Variants in PCCA observed in about 807,000 individuals in gnomAD.
PCCA encodes propionyl-CoA carboxylase subunit alpha.
PCCA carries 74 observed loss-of-function variants against 101.3 expected under a neutral mutation model. The observed-to-expected ratio is 0.73, with a 90% confidence interval of 0.61 to 0.89. PCCA has a LOEUF of 0.89. Among genes scored for constraint, PCCA ranks in the 40% least tolerant of loss-of-function variants. The probability of loss-of-function intolerance (pLI) is 0.00; values close to 1 mark genes in which losing one functional copy is unlikely to be tolerated. For missense variants in PCCA, 891 were observed against 907.0 expected (o/e 0.98, Z 0.23); for synonymous variants, 294 against 313.6 (o/e 0.94, Z 0.66).
At chr13:100,357,479 G>A (rs534102280) in intron 18 of PCCA, among the ~76,000 whole-genome samples, 7 of 152,306 alleles carry the variant, frequency 4.6e-5, no homozygotes, top group East Asian at 1.9e-4. Context: ...ATGTGAACCC[G>A]CGTTCTTCCA....
intron 4 of PCCA, among the ~76,000 whole-genome samples, chr13:100,141,002 A>C (rs775775797): frequency 6.6e-6 from 1 of 152,180 alleles, no homozygotes; most frequent in African/African-American, 2.4e-5. Context: ...GTTACAGCTA[A>C]TTGCTTGAAT....
chr13:100,268,865 G>A lies in PCCA; in HGVS notation c.914+82G>A, dbSNP rs557634474. On this transcript the variant is annotated intron_variant, in intron 11 of 23. Transcript: ENST00000376285. ...ATTCATTCATTCATCATTCACTGACGCATGCATTCAGAGACAGGGTCTCAC... is the reference window on the plus strand; with the variant it reads ...ATTCATTCATTCATCATTCACTGACACATGCATTCAGAGACAGGGTCTCAC... The A allele has an allele frequency of 1.9e-4, 191 of 990,832 alleles. 1 individual carries two copies. The South Asian group carries it at 2.1e-3, about 11-fold the overall frequency. 61.4% of individuals were successfully genotyped at this position (990,832 alleles called of 1,614,324 possible).
intron 18 of PCCA, among the ~76,000 whole-genome samples, chr13:100,361,783 T>C (rs1391557442): frequency 6.6e-6 from 1 of 152,158 alleles, no homozygotes; most frequent in Non-Finnish European, 1.5e-5. Flanking sequence ...GAGTAACTCA[T>C]TGCAGTGGAA....
chr13:100,468,972 G>T (rs2082749660), intron 21 of PCCA, among the ~76,000 whole-genome samples: 1 of 152,090 alleles, frequency 6.6e-6, no homozygotes, highest in African/African-American at 2.4e-5. Flanking sequence ...AGCACTTTGG[G>T]AGGCTGAGGC....
At chr13:100,437,053 A>G (rs1244120335) in intron 20 of PCCA, among the ~76,000 whole-genome samples, 1 of 152,180 alleles carries the variant, frequency 6.6e-6, no homozygotes, top group Non-Finnish European at 1.5e-5. Context: ...TTTTAGGCCC[A>G]CAGTATCACC....
chr13:100,094,912 A>C (rs1450749255), intron 1 of PCCA, among the ~76,000 whole-genome samples: 3 of 152,196 alleles, frequency 2.0e-5, no homozygotes, highest in Non-Finnish European at 4.4e-5. Context: ...TTTATTCAAG[A>C]AACCTTTGGT....
At chr13:100,401,801 G>T (rs1437977746) in intron 19 of PCCA, among the ~76,000 whole-genome samples, 1 of 152,170 alleles carries the variant, frequency 6.6e-6, no homozygotes. Context: ...TGGGAGCACA[G>T]TTTCACAAAT....
At chr13:100,304,603 C>G (rs979671013) in intron 14 of PCCA, among the ~76,000 whole-genome samples, 1 of 152,096 alleles carries the variant, frequency 6.6e-6, no homozygotes, top group African/African-American at 2.4e-5. Flanking sequence ...TGGGAGATGT[C>G]TGATAGTTTC....
intron 8 of PCCA, among the ~76,000 whole-genome samples, chr13:100,254,910 C>A (rs2152553742): frequency 6.6e-6 from 1 of 151,542 alleles, no homozygotes. Flanking sequence ...AATGAGACCC[C>A]CATCTTTAAA....
chr13:100,164,282 GA>G (rs2054810192), intron 6 of PCCA, among the ~76,000 whole-genome samples: 1 of 152,048 alleles, frequency 6.6e-6, no homozygotes, highest in Admixed American at 6.6e-5. Flanking sequence ...TTATTAGATA[GA>G]AAAAAAATGT....
intron 4 of PCCA, among the ~76,000 whole-genome samples, chr13:100,118,031 G>A (rs1306210675): frequency 1.3e-5 from 2 of 151,438 alleles, no homozygotes; most frequent in African/African-American, 4.9e-5. Flanking sequence ...CAGGAGAATG[G>A]TGTGAACCCG....
chr13:100,240,860 AT>A (rs1179190694), intron 8 of PCCA, among the ~76,000 whole-genome samples: 1 of 152,072 alleles, frequency 6.6e-6, no homozygotes, highest in African/African-American at 2.4e-5. Context: ...CAGTTTTGTT[AT>A]TTTGATGCCA....
intron 1 of PCCA, among the ~76,000 whole-genome samples, chr13:100,090,707 G>T (rs2046202062): frequency 6.6e-6 from 1 of 152,180 alleles, no homozygotes; most frequent in African/African-American, 2.4e-5. Flanking sequence ...ACCAAGCCAA[G>T]ATTTTGAATT....
intron 4 of PCCA, among the ~76,000 whole-genome samples, chr13:100,113,251 A>G (rs571885351): frequency 2.0e-5 from 3 of 152,332 alleles, no homozygotes; most frequent in Non-Finnish European, 4.4e-5. Context: ...TTGTAACACA[A>G]TGGTAAGTAT....
At chr13:100,270,071 T>G (rs1045359412) in intron 11 of PCCA, among the ~76,000 whole-genome samples, 2 of 152,202 alleles carry the variant, frequency 1.3e-5, no homozygotes, top group African/African-American at 4.8e-5. Flanking sequence ...CACCAGCCAG[T>G]ATGCTGTGAA....
At chr13:100,172,812 C>T (rs1290316486) in intron 6 of PCCA, among the ~76,000 whole-genome samples, 1 of 152,178 alleles carries the variant, frequency 6.6e-6, no homozygotes, top group Non-Finnish European at 1.5e-5. Context: ...GCCCTATAGA[C>T]AGGTACTATT....
At chr13:100,132,270 C>CCATTACCCCTCAGACTCCCTTGAGAGT (rs2050598571) in intron 4 of PCCA, among the ~76,000 whole-genome samples, 1 of 133,798 alleles carries the variant, frequency 7.5e-6, no homozygotes, top group Non-Finnish European at 1.6e-5. Flanking sequence ...CAGAGTAGTT[C>CCATTACCCCTCAGACTCCCTTGAGAGT]CATTACCCCT....
intron 4 of PCCA, among the ~76,000 whole-genome samples, chr13:100,140,035 C>CT (rs2051673672): frequency 6.6e-6 from 1 of 151,954 alleles, no homozygotes. Flanking sequence ...CTTTGGTATA[C>CT]TTATTAGAAT....
intron 14 of PCCA, 106 bp downstream of exon 14, chr13:100,303,104 G>A: frequency 1.3e-6 from 1 of 792,198 alleles, no homozygotes; most frequent in Non-Finnish European, 2.3e-6. Flanking sequence ...TGAAGGACAA[G>A]TGAAATTCAT....
Sources: gnomAD v4.1 joint callset for allele counts (sites outside exome capture counted in the v4.1 genomes callset) on GRCh38, gnomAD v4.1.1 for gene constraint, MANE v1.5 for transcripts, NCBI Gene and HGNC (gene_info 2026-07-23, HGNC 2026-07-21) for gene names.